Variants in MSRB2 observed in about 807,000 individuals in gnomAD.
The protein encoded by MSRB2 is methionine sulfoxide reductase B2, also known as methionine-R-sulfoxide reductase B2, mitochondrial.
Under a neutral mutation model 19.0 loss-of-function variants are expected in MSRB2, and 17 were observed. The observed-to-expected ratio is 0.89, with a 90% confidence interval of 0.61 to 1.34. The LOEUF (loss-of-function observed/expected upper bound fraction) is 1.34. Ranked by LOEUF, MSRB2 falls within the 40% of genes most tolerant of loss-of-function variation. The pLI is 0.00. For missense variants in MSRB2, 208 were observed against 237.6 expected (o/e 0.88, Z 0.82); for synonymous variants, 107 against 99.7 (o/e 1.07, Z -0.44).
At chr10:23,115,007 C>A (rs1840095869) in intron 3 of MSRB2, among the ~76,000 whole-genome samples, 2 of 152,142 alleles carry the variant, frequency 1.3e-5, no homozygotes, top group African/African-American at 2.4e-5. Flanking sequence ...CTCATGAGTT[C>A]CCTTTCCAGA....
At chr10:23,095,809 G>C (rs577132902) in intron 1 of MSRB2, 83 bp downstream of exon 1, 1 of 959,922 alleles carries the variant, frequency 1.0e-6, no homozygotes, top group African/African-American at 1.7e-5. Context: ...GCCTAGGGCC[G>C]GTCCAGGCCG....
chr10:23,106,808 T>C (rs1588968965), intron 2 of MSRB2, among the ~76,000 whole-genome samples: 1 of 152,206 alleles, frequency 6.6e-6, no homozygotes, highest in Non-Finnish European at 1.5e-5. Context: ...TTGCCCTCAC[T>C]TGTGGATTTC....
intron 1 of MSRB2, among the ~76,000 whole-genome samples, chr10:23,096,458 G>C (rs1839871281): frequency 6.6e-6 from 1 of 151,918 alleles, no homozygotes; most frequent in African/African-American, 2.4e-5. Context: ...CGGGAGACCT[G>C]TGCCAGCTAC....
At chr10:23,101,496 A>G (rs1839926223) in intron 1 of MSRB2, among the ~76,000 whole-genome samples, 1 of 152,180 alleles carries the variant, frequency 6.6e-6, no homozygotes, top group African/African-American at 2.4e-5. Flanking sequence ...TTTTCATGTA[A>G]TGACTTCTTT....
intron 1 of MSRB2, among the ~76,000 whole-genome samples, chr10:23,096,310 A>G (rs1264554771): frequency 7.2e-6 from 1 of 138,690 alleles, no homozygotes; most frequent in Non-Finnish European, 1.6e-5. Context: ...TGACTGAGAC[A>G]GAGACCAGGG....
intron 1 of MSRB2, among the ~76,000 whole-genome samples, chr10:23,100,573 G>A (rs542803351): frequency 6.6e-6 from 1 of 152,336 alleles, no homozygotes; most frequent in East Asian, 1.9e-4. Context: ...GTAAGGTGAA[G>A]AGGAAGCAAG....
At chr10:23,117,914 A>G (rs528926724) in intron 3 of MSRB2, among the ~76,000 whole-genome samples, 1 of 152,330 alleles carries the variant, frequency 6.6e-6, no homozygotes, top group African/African-American at 2.4e-5. Context: ...TTGAGAACCA[A>G]CATGCTAGTC....
At chr10:23,110,151 T>G in intron 2 of MSRB2, 91 bp from the exon 3 acceptor site, 1 of 960,086 alleles carries the variant, frequency 1.0e-6, no homozygotes, top group Non-Finnish European at 1.6e-6. Context: ...AATTCCTTGA[T>G]TTGGGGACTT....
chr10:23,097,516 C>T (rs1169373974), intron 1 of MSRB2, among the ~76,000 whole-genome samples: 2 of 152,212 alleles, frequency 1.3e-5, no homozygotes, highest in African/African-American at 2.4e-5. Context: ...AGAGCCTCAC[C>T]TTTATGATCT....
chr10:23,102,167 C>T (rs1352573067), intron 1 of MSRB2, among the ~76,000 whole-genome samples: 3 of 152,204 alleles, frequency 2.0e-5, no homozygotes, highest in African/African-American at 7.2e-5. Context: ...CGCAAACGTA[C>T]ACTCACACAC....
chr10:23,095,770 C>T, intron 1 of MSRB2, 44 bp downstream of exon 1: 1 of 1,194,250 alleles, frequency 8.4e-7, no homozygotes. Flanking sequence ...CTACGGCTTT[C>T]GGCTTCATTT....
chr10:23,105,349 GT>G (rs1307235562), intron 2 of MSRB2, among the ~76,000 whole-genome samples: 4 of 151,904 alleles, frequency 2.6e-5, no homozygotes, highest in Non-Finnish European at 5.9e-5. Context: ...ATACATTTTT[GT>G]TAAGTGTCAT....
chr10:23,118,769 G>A (rs1564432063), intron 3 of MSRB2, among the ~76,000 whole-genome samples: 1 of 152,196 alleles, frequency 6.6e-6, no homozygotes, highest in Non-Finnish European at 1.5e-5. Flanking sequence ...AGCAAACTGA[G>A]GCTTCAAGAG....
intron 2 of MSRB2, among the ~76,000 whole-genome samples, chr10:23,108,057 T>A (rs1246116658): frequency 2.6e-5 from 4 of 151,402 alleles, no homozygotes; most frequent in Non-Finnish European, 5.9e-5. Flanking sequence ...ACCTCCTGGG[T>A]TCAAGCGATT....
rs1840155476 is a variant in MSRB2 at position 23,119,375 on chromosome 10, A to C, written c.368A>C (p.Asp123Ala). 6.2e-7 allele frequency: 1 copy of C among 1,614,112 alleles called. No individual in the cohort carries two copies. Among genetic ancestry groups the C allele is most frequent in the Non-Finnish European group, 8.5e-7 (1 of 1,180,006 alleles). The change falls in exon 4 of 5, where the codon GAT becomes GCT. Residue 123 changes from aspartate (D) to alanine (A), a missense_variant. Asp to Ala is a moderately radical substitution (Grantham distance 126). Coordinates refer to ENST00000376510, the MANE Select transcript of MSRB2 (RefSeq NM_012228.4). ...GAGGCTCATGGTACGTCTGGCTCTGATGAAAGCCACACAGGGATCCTGAGA... is the reference window on the plus strand; with the variant it reads ...GAGGCTCATGGTACGTCTGGCTCTGCTGAAAGCCACACAGGGATCCTGAGA... The part of the protein sequence containing the change: ...FSEAHGTSGS[D>A]ESHTGILRRL...
intron 1 of MSRB2, among the ~76,000 whole-genome samples, chr10:23,100,099 G>GA (rs1207145026): frequency 1.3e-5 from 2 of 152,196 alleles, no homozygotes; most frequent in Non-Finnish European, 2.9e-5. Flanking sequence ...CTTTGTACCT[G>GA]AAGTTGGTCC....
intron 3 of MSRB2, among the ~76,000 whole-genome samples, chr10:23,110,904 C>T (rs1840043981): frequency 2.0e-5 from 3 of 151,888 alleles, no homozygotes; most frequent in African/African-American, 7.3e-5. Context: ...TTTGTTTAGA[C>T]ATGCAGGAAA....
chr10:23,117,742 C>T (rs1185732318), intron 3 of MSRB2, among the ~76,000 whole-genome samples: 2 of 152,304 alleles, frequency 1.3e-5, no homozygotes, highest in East Asian at 1.9e-4. Flanking sequence ...AGGCATGCAC[C>T]ACCATGCCCA....
At chr10:23,111,838 TAAA>T (rs1324072366) in intron 3 of MSRB2, among the ~76,000 whole-genome samples, 123 of 133,786 alleles carry the variant, frequency 9.2e-4, no homozygotes, top group African/African-American at 3.6e-3. Flanking sequence ...AATTTAAACT[TAAA>T]TTTAATTTTA....
Sources: allele counts gnomAD v4.1 joint callset (sites outside exome capture counted in the v4.1 genomes callset), GRCh38; gene constraint gnomAD v4.1.1; transcripts MANE v1.5; gene names NCBI Gene and HGNC (gene_info 2026-07-23, HGNC 2026-07-21).